The following INTS6 variants were observed in gnomAD, a reference collection of about 807,000 sequenced individuals.
INTS6 encodes DEAD box protein.
In INTS6, 16 loss-of-function variants were observed where a neutral mutation model predicts 104.9. The ratio of observed to expected loss-of-function variants is 0.15; its 90% CI spans 0.10 to 0.23. The LOEUF (loss-of-function observed/expected upper bound fraction) is 0.23, where lower values mean the gene tolerates loss of function less well. Ranked by LOEUF, INTS6 falls within the 10% of genes least tolerant of loss-of-function variation. INTS6 has a pLI of 1.00. For synonymous variants in INTS6, 324 were observed against 358.7 expected, an observed-to-expected ratio of 0.90 and a Z score of 1.09; for missense variants, 584 against 1,062.8, an observed-to-expected ratio of 0.55 and a Z score of 6.26.
chr13:51,383,274 C>G (rs1205464282), intron 9 of INTS6, 55 bp downstream of exon 9: 3 of 1,472,450 alleles, frequency 2.0e-6, no homozygotes, highest in Non-Finnish European at 2.7e-6. Flanking sequence ...AAGAAATGCG[C>G]TTTAGGAGAA....
At chr13:51,425,034 G>A (rs182752298) in intron 4 of INTS6, among the ~76,000 whole-genome samples, 138 of 152,102 alleles carry the variant, frequency 9.1e-4, no homozygotes, top group Admixed American at 3.9e-3. Context: ...TGGGAGGTAG[G>A]GGAGGGAGCT....
downstream of INTS6, among the ~76,000 whole-genome samples, chr13:51,352,606 C>T (rs1169039779): frequency 6.6e-6 from 1 of 151,872 alleles, no homozygotes; most frequent in African/African-American, 2.4e-5. Flanking sequence ...TTGTCCTACT[C>T]GCCCTCCAGT....
At chr13:51,434,807 A>T (rs995853168) in intron 3 of INTS6, among the ~76,000 whole-genome samples, 1 of 152,062 alleles carries the variant, frequency 6.6e-6, no homozygotes, top group Non-Finnish European at 1.5e-5. Flanking sequence ...TTGTTTACCC[A>T]GCAAATTAAA....
At chr13:51,402,799 T>C (rs899033476) in intron 4 of INTS6, 2 of 152,192 alleles carry the variant, frequency 1.3e-5, no homozygotes, top group African/African-American at 2.4e-5. Flanking sequence ...TACTTCTCCA[T>C]TGGTCTGAAA....
intron 3 of INTS6, chr13:51,447,264 T>TAC (rs374728722): frequency 3.1e-4 from 47 of 152,276 alleles, no homozygotes; most frequent in African/African-American, 1.1e-3. Flanking sequence ...GAGTTCTCAC[T>TAC]ACTTCACCTG....
intron 15 of INTS6, among the ~76,000 whole-genome samples, chr13:51,370,750 T>TC (rs767264979): frequency 4.3e-4 from 65 of 152,000 alleles, no homozygotes; most frequent in Non-Finnish European, 7.5e-4. Flanking sequence ...TTAGCACTCT[T>TC]CCCCCTAACA....
the INTS6 span, among the ~76,000 whole-genome samples, chr13:51,335,227 C>T: frequency 6.7e-3 from 1,023 of 151,844 alleles, 6 homozygotes; most frequent in Admixed American, 0.01. Context: ...AGATAATGGC[C>T]AAAAGGGGAG....
chr13:51,411,785 A>G (rs1376117686), intron 4 of INTS6, among the ~76,000 whole-genome samples: 1 of 152,094 alleles, frequency 6.6e-6, no homozygotes, highest in East Asian at 1.9e-4. Context: ...CTAGATATAT[A>G]CTTATCATAT....
Position 51,452,672 on chromosome 13 carries a change from T to A in INTS6, c.-147A>T. 7.1e-7 allele frequency: 1 copy of A among 1,415,412 alleles called. No individual in the cohort carries two copies. Among genetic ancestry groups the A allele is most frequent in the Middle Eastern group, 2.6e-4 (1 of 3,828 alleles). The allele number at this position is 1,415,412 out of a possible 1,614,324, so 87.7% of individuals were successfully genotyped here. A position where few individuals can be genotyped will look rare whatever the true frequency, so the allele number is the denominator to read the frequency against. ...ACACTGTCTGGGTCTTTCCTCCGGC[T>A]GCGGGGAGTTTCTCCCCCGATAGTT... is the stretch of plus-strand genomic sequence containing the variant. On this transcript the variant is annotated 5_prime_UTR_variant, in exon 1 of 18. Coordinates refer to ENST00000311234, the MANE Select transcript of INTS6 (RefSeq NM_012141.3). The surrounding 1 kb of genome is among the most constrained non-coding windows in gnomAD (Gnocchi z 4.2).
chr13:51,353,416 T>C (rs574994780), downstream of INTS6, among the ~76,000 whole-genome samples: 1 of 152,308 alleles, frequency 6.6e-6, no homozygotes, highest in African/African-American at 2.4e-5. Flanking sequence ...AAACACGCAT[T>C]ACAATTATGG....
At chr13:51,431,403 A>G (rs1269898527) in intron 3 of INTS6, among the ~76,000 whole-genome samples, 1 of 152,144 alleles carries the variant, frequency 6.6e-6, no homozygotes, top group Non-Finnish European at 1.5e-5. Context: ...ATTTCTGATT[A>G]TGTCTGGGAT....
chr13:51,430,282 A>G lies in INTS6; in HGVS notation c.429+12T>C. On this transcript the variant is annotated intron_variant, in intron 4 of 17. Coordinates refer to ENST00000311234, the MANE Select transcript of INTS6 (RefSeq NM_012141.3). ...GCATTTGCATAATCCATGTAATATA[A>G]GCACAACTTACCTCATCCTGGACTC... The G allele has an allele frequency of 1.2e-6, 2 of 1,609,236 alleles. No homozygotes were observed. The highest frequency in any genetic ancestry group is 1.7e-6 in the Non-Finnish European group (2 of 1,176,276).
chr13:51,387,391 T>C lies in INTS6; in HGVS notation c.889A>G (p.Thr297Ala). ...TTACAGTCTCTGGTACTTACTAGTG[T>C]TGGCGAATTTTGATCTGGCCAAAAA... ...ESFWPDQNSP[T>A]LPPRTSHPVV... The change falls in exon 7 of 18, where the codon ACA becomes GCA. Residue 297 changes from threonine to alanine, a missense_variant. Coordinates refer to ENST00000311234, the MANE Select transcript of INTS6 (RefSeq NM_012141.3). 9 of 1,610,482 alleles carry C rather than the reference T, an allele frequency of 5.6e-6. No individual in the cohort carries two copies. The highest frequency in any genetic ancestry group is 7.6e-6 in the Non-Finnish European group (9 of 1,178,160).
chr13:51,398,513 C>A (rs766810778), intron 4 of INTS6, among the ~76,000 whole-genome samples: 14 of 151,924 alleles, frequency 9.2e-5, no homozygotes, highest in Non-Finnish European at 1.2e-4. Context: ...TATCATTTCA[C>A]AATAAGATTA....
At chr13:51,406,812 A>C (rs745933747) in intron 4 of INTS6, among the ~76,000 whole-genome samples, 1 of 152,056 alleles carries the variant, frequency 6.6e-6, no homozygotes, top group Non-Finnish European at 1.5e-5. Flanking sequence ...CCCGTGGTCC[A>C]CAGGCTGCAT....
intron 6 of INTS6, among the ~76,000 whole-genome samples, chr13:51,388,204 C>T (rs1956174810): frequency 6.6e-6 from 1 of 152,052 alleles, no homozygotes; most frequent in African/African-American, 2.4e-5. Flanking sequence ...TTAAAGCAGA[C>T]ATGACACAAC....
intron 3 of INTS6, among the ~76,000 whole-genome samples, chr13:51,432,983 G>A (rs1388824461): frequency 6.6e-6 from 1 of 152,182 alleles, no homozygotes; most frequent in Non-Finnish European, 1.5e-5. Flanking sequence ...AAAACCAAGA[G>A]GTCCTAATAG....
At chr13:51,383,272 C>T (rs893013399) in intron 9 of INTS6, 57 bp downstream of exon 9, 115 of 1,434,300 alleles carry the variant, frequency 8.0e-5, no homozygotes, top group Non-Finnish European at 9.5e-5. Context: ...CAAAGAAATG[C>T]GCTTTAGGAG....
chr13:51,376,403 A>G (rs1955931923), intron 12 of INTS6, among the ~76,000 whole-genome samples: 1 of 152,220 alleles, frequency 6.6e-6, no homozygotes, highest in Admixed American at 6.5e-5. Flanking sequence ...CTAACTCTAA[A>G]GATTTTATTA....
Sources: gnomAD v4.1 joint callset for allele counts (sites outside exome capture counted in the v4.1 genomes callset) on GRCh38, gnomAD v4.1.1 for gene constraint, Gnocchi (gnomAD v3.1) non-coding constraint, MANE v1.5 for transcripts, NCBI Gene and HGNC (gene_info 2026-07-23, HGNC 2026-07-21) for gene names.